CSMD1: variants seen among roughly 807,000 people sequenced by gnomAD.
CSMD1 encodes the protein CUB and sushi domain-containing protein 1.
A neutral mutation model predicts 417.5 loss-of-function variants in CSMD1; 213 were observed. That is an observed-to-expected ratio of 0.51 (90% CI 0.46 to 0.57). The LOEUF (loss-of-function observed/expected upper bound fraction) is 0.57, where lower values mean the gene tolerates loss of function less well. Ranked by LOEUF, CSMD1 falls within the 20% of genes least tolerant of loss-of-function variation. CSMD1 has a pLI of 0.00. For synonymous variants in CSMD1, 2,862 were observed against 1,736.8 expected (o/e 1.65, Z -16.11); for missense variants, 6,923 against 4,529.7 (o/e 1.53, Z -15.17).
intron 12 of CSMD1, among the ~76,000 whole-genome samples, chr8:3,441,615 A>G (rs559936010): frequency 2.6e-5 from 4 of 152,020 alleles, no homozygotes; most frequent in East Asian, 1.9e-4. Flanking sequence ...AAAACCTCCT[A>G]TCACCTAATG....
chr8:4,545,515 G>A (rs925981716), intron 2 of CSMD1, among the ~76,000 whole-genome samples: 2 of 145,876 alleles, frequency 1.4e-5, no homozygotes, highest in Admixed American at 6.8e-5. Context: ...TAGATCTCAC[G>A]ACCCTACGAA....
chr8:4,929,602 C>T (rs190537079), intron 1 of CSMD1, among the ~76,000 whole-genome samples: 8 of 152,314 alleles, frequency 5.3e-5, no homozygotes, highest in African/African-American at 1.9e-4. Context: ...CATTTGTCTA[C>T]AAATGATTTC....
intron 54 of CSMD1, among the ~76,000 whole-genome samples, chr8:2,990,011 G>A (rs187472796): frequency 5.6e-4 from 85 of 152,270 alleles, no homozygotes; most frequent in African/African-American, 1.9e-3. Flanking sequence ...CTAGGGGGAT[G>A]GATACAGAAT....
At chr8:3,421,346 G>T (rs573917285) in intron 12 of CSMD1, among the ~76,000 whole-genome samples, 18 of 152,272 alleles carry the variant, frequency 1.2e-4, no homozygotes, top group African/African-American at 3.4e-4. Context: ...ACATTCCTGA[G>T]GGAGCCACAC....
At chr8:3,168,223 G>C (rs145933518) in intron 37 of CSMD1, among the ~76,000 whole-genome samples, 1 of 152,108 alleles carries the variant, frequency 6.6e-6, no homozygotes, top group Non-Finnish European at 1.5e-5. Flanking sequence ...TCAACGCCCA[G>C]GTAGACCATG....
At chr8:4,822,400 A>G (rs1358054041) in intron 1 of CSMD1, among the ~76,000 whole-genome samples, 2 of 152,104 alleles carry the variant, frequency 1.3e-5, no homozygotes, top group Non-Finnish European at 2.9e-5. Flanking sequence ...GCCTAGTTTG[A>G]TGATTTTTTT....
At chr8:3,862,651 T>G (rs910290380) in intron 5 of CSMD1, among the ~76,000 whole-genome samples, 2 of 152,260 alleles carry the variant, frequency 1.3e-5, no homozygotes, top group South Asian at 2.1e-4. Flanking sequence ...AATCTCTAAA[T>G]ATTTCTTTGG....
chr8:4,252,497 C>G (rs2128832225), intron 3 of CSMD1, among the ~76,000 whole-genome samples: 1 of 152,288 alleles, frequency 6.6e-6, no homozygotes, highest in East Asian at 1.9e-4. Context: ...TTTGAGAAGC[C>G]AGAGGCATGT....
intron 1 of CSMD1, among the ~76,000 whole-genome samples, chr8:4,860,088 A>G (rs1802036395): frequency 6.6e-6 from 1 of 151,620 alleles, no homozygotes; most frequent in Admixed American, 6.6e-5. Context: ...CCATAAAAAA[A>G]TGATGAGTTC....
At chr8:3,963,172 C>T (rs2627482) in intron 5 of CSMD1, among the ~76,000 whole-genome samples, 100,856 of 151,962 alleles carry the variant, frequency 0.66, 33,790 homozygotes, top group East Asian at 0.93. Flanking sequence ...CCTCCAGTAA[C>T]CCTCCATTCT....
At chr8:3,358,552 G>C (rs1340693595) in intron 21 of CSMD1, among the ~76,000 whole-genome samples, 1 of 152,158 alleles carries the variant, frequency 6.6e-6, no homozygotes, top group Non-Finnish European at 1.5e-5. Flanking sequence ...TCCTGCATGT[G>C]AGCCTAGTAC....
intron 52 of CSMD1, among the ~76,000 whole-genome samples, chr8:3,000,876 T>A (rs1348924723): frequency 6.6e-6 from 1 of 152,166 alleles, no homozygotes; most frequent in African/African-American, 2.4e-5. Flanking sequence ...AGAATGTCCA[T>A]GTAGATAGTA....
chr8:4,927,060 ATAGGGCTGTGTT>A (rs1806916798), intron 1 of CSMD1, among the ~76,000 whole-genome samples: 1 of 150,588 alleles, frequency 6.6e-6, no homozygotes, highest in South Asian at 2.1e-4. Flanking sequence ...AATGAAAAAA[ATAGGGCTGTGTT>A]ATTTGCTTTC....
intron 5 of CSMD1, among the ~76,000 whole-genome samples, chr8:3,834,362 A>C (rs934173785): frequency 6.6e-6 from 1 of 152,024 alleles, no homozygotes; most frequent in African/African-American, 2.4e-5. Flanking sequence ...ACTGAGTTTA[A>C]CCTTGTCTGC....
intron 1 of CSMD1, among the ~76,000 whole-genome samples, chr8:4,683,205 C>A (rs1398742528): frequency 6.6e-6 from 1 of 151,820 alleles, no homozygotes; most frequent in Admixed American, 6.6e-5. Context: ...GTTCATGAAA[C>A]AACTTAGTAT....
intron 26 of CSMD1, among the ~76,000 whole-genome samples, chr8:3,273,332 G>A (rs1802013147): frequency 6.6e-6 from 1 of 152,154 alleles, no homozygotes; most frequent in South Asian, 2.1e-4. Context: ...GATTCGGTTT[G>A]CCAGTATTTT....
At chr8:4,297,624 C>G (rs1283280031) in intron 3 of CSMD1, among the ~76,000 whole-genome samples, 1 of 152,048 alleles carries the variant, frequency 6.6e-6, no homozygotes, top group African/African-American at 2.4e-5. Flanking sequence ...TGAAATTGAA[C>G]TTGACCTTTC....
Position 3,118,483 on chromosome 8 carries a change from C to T in CSMD1, c.6346G>A (p.Gly2116Arg). The change falls in exon 42 of 70, where the codon GGG (glycine) becomes AGG (arginine). Residue 2116 changes from glycine (G) to arginine (R), a missense_variant. Gly to Arg is a moderately radical substitution (Grantham distance 125). Transcript: ENST00000635120. ...ACAGGATGGCCTATTAGAATGTACC[C>T]AGGATAACACTCGAAAGATACTGAT... ...GQSVSFECYP[G>R]YILIGHPVLT... 6.2e-7 allele frequency: 1 copy of T among 1,613,860 alleles called. No individual in the cohort carries two copies. The highest frequency in any genetic ancestry group is 1.1e-5 in the South Asian group (1 of 91,070).
intron 1 of CSMD1, among the ~76,000 whole-genome samples, chr8:4,680,865 C>A (rs901315782): frequency 6.6e-6 from 1 of 151,646 alleles, no homozygotes; most frequent in Non-Finnish European, 1.5e-5. Context: ...TAAGTGTGAG[C>A]CACTGTACCC....
Sources: allele counts gnomAD v4.1 joint callset (sites outside exome capture counted in the v4.1 genomes callset), GRCh38; gene constraint gnomAD v4.1.1; transcripts MANE v1.5; gene names NCBI Gene and HGNC (gene_info 2026-07-23, HGNC 2026-07-21).